The following FGF14 variants were observed in gnomAD, a reference collection of about 807,000 sequenced individuals.
FGF14 encodes fibroblast growth factor homologous factor 4.
Under a neutral mutation model 25.5 loss-of-function variants are expected in FGF14, and 5 were observed. The ratio of observed to expected loss-of-function variants is 0.20; its 90% confidence interval spans 0.10 to 0.41. The LOEUF (loss-of-function observed/expected upper bound fraction) is 0.41. FGF14 is among the 10% of genes least tolerant of loss of function. The probability of loss-of-function intolerance (pLI) is 1.00; values close to 1 mark genes in which losing one functional copy is unlikely to be tolerated. For missense variants in FGF14, 222 were observed against 320.1 expected (o/e 0.69, Z 2.34); for synonymous variants, 138 against 118.3 (o/e 1.17, Z -1.08).
intron 1 of FGF14, among the ~76,000 whole-genome samples, chr13:101,886,704 T>C (rs1241934771): frequency 1.3e-5 from 2 of 152,062 alleles, no homozygotes; most frequent in African/African-American, 4.8e-5. Flanking sequence ...TGGGATTATA[T>C]CAAGCTGACA....
chr13:101,847,979 T>C (rs1345744668), intron 3 of FGF14, among the ~76,000 whole-genome samples: 1 of 152,030 alleles, frequency 6.6e-6, no homozygotes, highest in Non-Finnish European at 1.5e-5. Flanking sequence ...TTAAATGTGG[T>C]AGGAAAGCAG....
Position 102,038,237 on chromosome 13 carries a change from T to C in FGF14, c.209-162941A>G, listed in dbSNP as rs535046075. ...AACCACCATTAAAAGTATCTTAACTTCTTTTATTCAAAAATGGAAAGGGAA... is the reference window on the plus strand; with the variant it reads ...AACCACCATTAAAAGTATCTTAACTCCTTTTATTCAAAAATGGAAAGGGAA... On this transcript the variant is annotated intron_variant, in intron 1 of 4. Transcript: ENST00000376131. 1.6e-3 allele frequency among the ~76,000 whole-genome samples: 247 copies of C among 152,236 alleles called. 3 individuals are homozygous for C. Among genetic ancestry groups the C allele is most frequent in the African/African-American group, 5.6e-3 (231 of 41,550 alleles).
intron 3 of FGF14, among the ~76,000 whole-genome samples, chr13:101,854,969 A>G (rs2044047372): frequency 6.6e-6 from 1 of 152,028 alleles, no homozygotes; most frequent in African/African-American, 2.4e-5. Flanking sequence ...TCAGAATACC[A>G]AATTTTATGT....
At chr13:101,942,288 G>A (rs1289086769) in intron 1 of FGF14, among the ~76,000 whole-genome samples, 4 of 152,110 alleles carry the variant, frequency 2.6e-5, no homozygotes, top group African/African-American at 4.8e-5. Flanking sequence ...CCTGTTTAGT[G>A]TCTCAGGAAA....
chr13:102,313,227 AG>A (rs2055858482), intron 1 of FGF14, among the ~76,000 whole-genome samples: 1 of 152,246 alleles, frequency 6.6e-6, no homozygotes. Flanking sequence ...GGAAGGCACC[AG>A]GCAATGTCAA....
At chr13:102,144,365 C>T (rs890126284) in intron 1 of FGF14, among the ~76,000 whole-genome samples, 2 of 152,028 alleles carry the variant, frequency 1.3e-5, no homozygotes, top group South Asian at 2.1e-4. Context: ...CACTGAACTG[C>T]TTATCCAAAA....
intron 1 of FGF14, among the ~76,000 whole-genome samples, chr13:102,264,264 C>A (rs1036385805): frequency 1.3e-5 from 2 of 151,986 alleles, no homozygotes; most frequent in African/African-American, 4.8e-5. Context: ...TGCATAGGGA[C>A]AATGCAGTGC....
At chr13:102,052,659 C>G (rs1595117400) in intron 1 of FGF14, among the ~76,000 whole-genome samples, 2 of 151,820 alleles carry the variant, frequency 1.3e-5, no homozygotes, top group South Asian at 4.2e-4. Context: ...AAAAAACTGT[C>G]AACCAAGAAT....
At chr13:102,228,335 G>A (rs1388662186) in intron 1 of FGF14, among the ~76,000 whole-genome samples, 2 of 152,084 alleles carry the variant, frequency 1.3e-5, no homozygotes, top group East Asian at 1.9e-4. Context: ...TGGTGAAAAC[G>A]AAACAAACAG....
At chr13:102,261,914 T>G (rs1434550893) in intron 1 of FGF14, among the ~76,000 whole-genome samples, 2 of 152,166 alleles carry the variant, frequency 1.3e-5, no homozygotes, top group Non-Finnish European at 2.9e-5. Flanking sequence ...ACAGATGGGA[T>G]GCATGGCTTC....
intron 1 of FGF14, among the ~76,000 whole-genome samples, chr13:102,195,112 C>T (rs72647410): frequency 9.2e-5 from 14 of 152,044 alleles, no homozygotes; most frequent in East Asian, 1.9e-4. Flanking sequence ...AAATGCTAAA[C>T]GGAGTTGTTC....
intron 3 of FGF14, among the ~76,000 whole-genome samples, chr13:101,837,474 T>C (rs1594429874): frequency 6.6e-6 from 1 of 152,212 alleles, no homozygotes; most frequent in Middle Eastern, 3.4e-3. Context: ...CAATCAAGCT[T>C]GTTGCGTAAT....
intron 1 of FGF14, among the ~76,000 whole-genome samples, chr13:102,284,810 AAAG>A (rs770263555): frequency 4.6e-5 from 7 of 152,154 alleles, no homozygotes; most frequent in South Asian, 2.1e-4. Flanking sequence ...ACCGAGGAGT[AAAG>A]AAGACCCTAA....
At position 101,722,210 on chromosome 13, in the gene FGF14, ATCTT is replaced by A; in HGVS notation, c.*617_*620del. On this transcript the variant is annotated 3_prime_UTR_variant, in exon 5 of 5. Coordinates refer to ENST00000376143, the MANE Select transcript of FGF14 (RefSeq NM_004115.4). Reference sequence around the variant, plus strand: ...GAGCCAGAGACAACAATCTTTCTTAATCTTTCTTTATAGATGCAATTTGTAATAA... The same window carrying A: ...GAGCCAGAGACAACAATCTTTCTTAATCTTTATAGATGCAATTTGTAATAA... 1 of 169,054 alleles carries A rather than the reference ATCTT, an allele frequency of 5.9e-6. No individual in the cohort carries two copies. Among genetic ancestry groups the A allele is most frequent in the Admixed American group, 5.5e-5 (1 of 18,080 alleles). The allele number at this position is 169,054 out of a possible 1,614,324, so 10.5% of individuals were successfully genotyped here. A position where few individuals can be genotyped will look rare whatever the true frequency, so the allele number is the denominator to read the frequency against.
chr13:102,126,743 C>A (rs1231191385), intron 1 of FGF14, among the ~76,000 whole-genome samples: 2 of 152,154 alleles, frequency 1.3e-5, no homozygotes, highest in Non-Finnish European at 2.9e-5. Flanking sequence ...TCTTATGGAT[C>A]ATTTCCTGTA....
chr13:102,170,173 G>A (rs1257767836), intron 1 of FGF14, among the ~76,000 whole-genome samples: 1 of 152,182 alleles, frequency 6.6e-6, no homozygotes, highest in Non-Finnish European at 1.5e-5. Flanking sequence ...AAAACTCTGA[G>A]ATGTGGCTGG....
intron 1 of FGF14, among the ~76,000 whole-genome samples, chr13:101,885,897 T>C (rs2045966605): frequency 6.6e-6 from 1 of 152,180 alleles, no homozygotes; most frequent in Admixed American, 6.5e-5. Flanking sequence ...CATATTCCCA[T>C]GCCTGTTTTT....
At chr13:101,759,353 C>T (rs940462310) in intron 3 of FGF14, among the ~76,000 whole-genome samples, 1 of 152,056 alleles carries the variant, frequency 6.6e-6, no homozygotes. Context: ...AGTGATGAAT[C>T]CAAGAGTGAT....
intron 1 of FGF14, among the ~76,000 whole-genome samples, chr13:101,960,524 A>G (rs12428822): frequency 0.1 from 15,680 of 152,172 alleles, 936 homozygotes; most frequent in Admixed American, 0.2. Context: ...ACATGATCCC[A>G]TTCCTTTTTA....
Sources: gnomAD v4.1 joint callset for allele counts (sites outside exome capture counted in the v4.1 genomes callset) on GRCh38, gnomAD v4.1.1 for gene constraint, MANE v1.5 for transcripts, NCBI Gene and HGNC (gene_info 2026-07-23, HGNC 2026-07-21) for gene names.